Variants in SLC35F1 observed in about 807,000 individuals in gnomAD.
SLC35F1 encodes the protein chromosome 6 open reading frame 169.
A neutral mutation model predicts 48.7 loss-of-function variants in SLC35F1; 14 were observed. That is an observed-to-expected ratio of 0.29 (90% CI 0.19 to 0.45). The LOEUF (loss-of-function observed/expected upper bound fraction) is 0.45. Ranked by LOEUF, SLC35F1 falls within the 20% of genes least tolerant of loss-of-function variation. The pLI is 1.00. For synonymous variants in SLC35F1, 190 were observed against 202.2 expected, an observed-to-expected ratio of 0.94 and a Z score of 0.51; for missense variants, 404 against 500.0, an observed-to-expected ratio of 0.81 and a Z score of 1.83.
At chr6:118,235,392 A>T in intron 2 of SLC35F1, 117 bp from the exon 3 acceptor site, 5 of 983,972 alleles carry the variant, frequency 5.1e-6, no homozygotes, top group Non-Finnish European at 7.3e-6. Flanking sequence ...TTGTTTAAAT[A>T]TTTGGTAAAC....
chr6:118,043,520 A>G (rs1772257473), intron 1 of SLC35F1, among the ~76,000 whole-genome samples: 1 of 152,132 alleles, frequency 6.6e-6, no homozygotes, highest in African/African-American at 2.4e-5. Context: ...AGGAGGGGCT[A>G]TGTCTATCTT....
At chr6:118,289,749 A>G (rs1459578705) in intron 7 of SLC35F1, among the ~76,000 whole-genome samples, 5 of 152,212 alleles carry the variant, frequency 3.3e-5, no homozygotes, top group Non-Finnish European at 7.3e-5. Flanking sequence ...AAACATAGTC[A>G]TGCCTAGGTC....
chr6:118,094,966 T>TA lies in SLC35F1; in HGVS notation c.174-59463dup, dbSNP rs34318594. On this transcript the variant is annotated intron_variant, in intron 1 of 7. Transcript: ENST00000360388. ...CTGGGTGACAGAGCGAGACTCCGTC[T>TA]AAAAAAAAAAAAAAAAGTAGCCAGG... Among the ~76,000 whole-genome samples, 510 of 138,590 alleles carry TA rather than the reference T, an allele frequency of 3.7e-3. 2 individuals are homozygous for TA. The highest frequency in any genetic ancestry group is 0.012 in the African/African-American group (448 of 37,066). 90.9% of individuals were successfully genotyped at this position (138,590 alleles called of 152,430 possible).
At chr6:117,927,979 T>C (rs1270294948) in intron 1 of SLC35F1, among the ~76,000 whole-genome samples, 1 of 152,186 alleles carries the variant, frequency 6.6e-6, no homozygotes, top group Non-Finnish European at 1.5e-5. Context: ...TTGAACTGTG[T>C]AAGCAGCTAA....
At chr6:118,207,569 GA>G (rs1774951742) in intron 2 of SLC35F1, among the ~76,000 whole-genome samples, 1 of 152,190 alleles carries the variant, frequency 6.6e-6, no homozygotes. Flanking sequence ...AGTATGGAAA[GA>G]AACTTGGGCT....
chr6:118,273,737 G>A (rs1373214805), intron 4 of SLC35F1, among the ~76,000 whole-genome samples: 1 of 152,116 alleles, frequency 6.6e-6, no homozygotes, highest in East Asian at 1.9e-4. Context: ...TCTCATTAGG[G>A]CCTCATCAGA....
intron 1 of SLC35F1, among the ~76,000 whole-genome samples, chr6:118,010,960 T>C (rs1328962847): frequency 3.3e-5 from 5 of 152,260 alleles, no homozygotes; most frequent in East Asian, 1.9e-4. Flanking sequence ...AGGGAACATT[T>C]GGCAATATTT....
chr6:117,997,144 T>C (rs4640917), intron 1 of SLC35F1, among the ~76,000 whole-genome samples: 98,682 of 151,184 alleles, frequency 0.65, 32,322 homozygotes, highest in East Asian at 0.81. Flanking sequence ...CCTCAGCAGC[T>C]GATGCGATCA....
intron 1 of SLC35F1, among the ~76,000 whole-genome samples, chr6:118,000,634 G>A (rs980061845): frequency 3.2e-4 from 49 of 152,186 alleles, no homozygotes; most frequent in African/African-American, 9.9e-4. Context: ...AAGGGTATTC[G>A]ATTAGGAAAA....
At chr6:117,986,749 C>G (rs971377208) in intron 1 of SLC35F1, among the ~76,000 whole-genome samples, 2 of 152,204 alleles carry the variant, frequency 1.3e-5, no homozygotes, top group Non-Finnish European at 2.9e-5. Context: ...ATTTACCTCA[C>G]TTGTTAAATG....
chr6:117,921,784 A>T (rs534154275), intron 1 of SLC35F1, among the ~76,000 whole-genome samples: 1 of 152,332 alleles, frequency 6.6e-6, no homozygotes, highest in African/African-American at 2.4e-5. Context: ...GCCTTCCACA[A>T]TGATGGAAGA....
chr6:118,236,154 G>C (rs769108759), intron 3 of SLC35F1, among the ~76,000 whole-genome samples: 2 of 152,042 alleles, frequency 1.3e-5, no homozygotes, highest in Non-Finnish European at 2.9e-5. Flanking sequence ...TTCCTAAAGG[G>C]ACAAGGAGTC....
At chr6:118,304,399 GA>G (rs1313037099) in intron 7 of SLC35F1, among the ~76,000 whole-genome samples, 3 of 134,894 alleles carry the variant, frequency 2.2e-5, no homozygotes, top group African/African-American at 8.3e-5. Flanking sequence ...GAAAAGAAAA[GA>G]AGAAGAAAGA....
intron 1 of SLC35F1, among the ~76,000 whole-genome samples, chr6:118,125,635 A>G (rs879518096): frequency 4.6e-5 from 7 of 152,172 alleles, no homozygotes; most frequent in Admixed American, 2.6e-4. Context: ...TCAGAAAATA[A>G]GAGAACTCCC....
chr6:118,061,592 A>G (rs1191405765), intron 1 of SLC35F1, among the ~76,000 whole-genome samples: 4 of 149,284 alleles, frequency 2.7e-5, no homozygotes, highest in African/African-American at 9.8e-5. Context: ...GTGTGTGTGT[A>G]TATATATATA....
rs1773359551 is a variant in SLC35F1 at position 118,108,872 on chromosome 6, C to A, written c.174-45573C>A. Among the ~76,000 whole-genome samples, 3 of 152,096 alleles carry A rather than the reference C, an allele frequency of 2.0e-5. No homozygotes were observed. The South Asian group carries it at 6.2e-4, about 31-fold the overall frequency. Reference sequence around the variant, plus strand: ...ATTTTCTCACACTGGGAAAATTAAACTTCTCATAAAATTAAATTGCAATAC... The same window carrying A: ...ATTTTCTCACACTGGGAAAATTAAAATTCTCATAAAATTAAATTGCAATAC... On this transcript the variant is annotated intron_variant, in intron 1 of 7. Transcript: ENST00000360388.
At chr6:118,146,221 G>T (rs1239283776) in intron 1 of SLC35F1, among the ~76,000 whole-genome samples, 1 of 152,110 alleles carries the variant, frequency 6.6e-6, no homozygotes, top group Non-Finnish European at 1.5e-5. Context: ...ATAAAAGCAG[G>T]ATTTGTTTCT....
In SLC35F1 at chr6:118,300,089, T is replaced by C. The variant is rs139558210; in HGVS notation, c.1003-13939T>C. 8.9e-3 allele frequency among the ~76,000 whole-genome samples: 1,351 copies of C among 152,330 alleles called. 6 individuals are homozygous for C. The highest frequency in any genetic ancestry group is 0.013 in the South Asian group (65 of 4,834). On this transcript the variant is annotated intron_variant, in intron 7 of 7. Transcript: ENST00000360388. The stretch of plus-strand genomic sequence containing the variant: ...CAGCCCTCTGTATCCATGGGTTCCA[T>C]ATCCATGGATTCAACCAACCATGGA...
At chr6:118,230,607 G>T (rs915019864) in intron 2 of SLC35F1, among the ~76,000 whole-genome samples, 1 of 152,078 alleles carries the variant, frequency 6.6e-6, no homozygotes, top group African/African-American at 2.4e-5. Flanking sequence ...AAAAACACAT[G>T]AAAGAAAGTC....
Sources: allele counts gnomAD v4.1 joint callset (sites outside exome capture counted in the v4.1 genomes callset), GRCh38; gene constraint gnomAD v4.1.1; transcripts MANE v1.5; gene names NCBI Gene and HGNC (gene_info 2026-07-23, HGNC 2026-07-21).